Variants in PHACTR1 observed in about 807,000 individuals in gnomAD.
The protein encoded by PHACTR1 is RPEL repeat containing 1.
In PHACTR1, 16 loss-of-function variants were observed where a neutral mutation model predicts 69.2. The observed-to-expected ratio is 0.23, with a 90% CI of 0.16 to 0.35. The LOEUF (loss-of-function observed/expected upper bound fraction) is 0.35, where lower values mean the gene tolerates loss of function less well. PHACTR1 is among the 10% of genes least tolerant of loss of function. PHACTR1 has a pLI of 1.00. For missense variants in PHACTR1, 510 were observed against 734.7 expected (o/e 0.69, Z 3.54); for synonymous variants, 312 against 284.5 (o/e 1.10, Z -0.97).
chr6:13,105,960 T>C (rs1816059005), intron 5 of PHACTR1, among the ~76,000 whole-genome samples: 1 of 152,220 alleles, frequency 6.6e-6, no homozygotes, highest in Non-Finnish European at 1.5e-5. Context: ...CATTGATTAG[T>C]GATTGGCTAT....
intron 4 of PHACTR1, among the ~76,000 whole-genome samples, chr6:12,902,058 A>G (rs6911226): frequency 0.56 from 85,115 of 151,840 alleles, 25,835 homozygotes; most frequent in East Asian, 0.96. Flanking sequence ...TAAGCCCCCT[A>G]CATGCACAGG....
At chr6:13,223,847 C>T (rs12205710) in intron 8 of PHACTR1, among the ~76,000 whole-genome samples, 5,149 of 152,246 alleles carry the variant, frequency 0.034, 121 homozygotes, top group Non-Finnish European at 0.056. Context: ...TCTATTCACT[C>T]TCCCTTCTTT....
chr6:13,166,114 C>G (rs1759769465), intron 6 of PHACTR1, among the ~76,000 whole-genome samples: 1 of 152,230 alleles, frequency 6.6e-6, no homozygotes, highest in African/African-American at 2.4e-5. Flanking sequence ...GCTGCGCCTT[C>G]TTCCAGAAGC....
At chr6:12,966,367 G>T (rs901382373) in intron 4 of PHACTR1, among the ~76,000 whole-genome samples, 5 of 152,188 alleles carry the variant, frequency 3.3e-5, no homozygotes, top group African/African-American at 4.8e-5. Context: ...GGACAGTGAG[G>T]CTCAAAGAAG....
chr6:12,798,285 C>T (rs1047737187), intron 4 of PHACTR1, among the ~76,000 whole-genome samples: 1 of 152,134 alleles, frequency 6.6e-6, no homozygotes, highest in Non-Finnish European at 1.5e-5. Flanking sequence ...TGTTTAATTA[C>T]ATGAGCACAG....
At chr6:12,736,938 C>T (rs192183665) in intron 3 of PHACTR1, among the ~76,000 whole-genome samples, 43 of 151,986 alleles carry the variant, frequency 2.8e-4, no homozygotes, top group East Asian at 1.2e-3. Context: ...TGTGTACATA[C>T]GCACATAAAA....
intron 4 of PHACTR1, among the ~76,000 whole-genome samples, chr6:12,811,472 C>T (rs973010366): frequency 4.6e-5 from 7 of 152,142 alleles, no homozygotes; most frequent in Non-Finnish European, 8.8e-5. Context: ...TATCTTGACA[C>T]GGTAGTGGTT....
At chr6:12,936,568 A>T (rs1274713911) in intron 4 of PHACTR1, among the ~76,000 whole-genome samples, 2 of 152,232 alleles carry the variant, frequency 1.3e-5, no homozygotes, top group Non-Finnish European at 2.9e-5. Context: ...TTACACTCAC[A>T]TGAGGATTGA....
At chr6:12,907,029 T>C (rs1427577748) in intron 4 of PHACTR1, among the ~76,000 whole-genome samples, 2 of 152,210 alleles carry the variant, frequency 1.3e-5, no homozygotes, top group East Asian at 3.8e-4. Context: ...AAGGTTTCTC[T>C]ATTTCCTCCT....
chr6:12,791,006 C>T (rs1772200893), intron 4 of PHACTR1, among the ~76,000 whole-genome samples: 1 of 152,204 alleles, frequency 6.6e-6, no homozygotes. Flanking sequence ...ACACGATAGA[C>T]ATCCTATTCA....
intron 5 of PHACTR1, among the ~76,000 whole-genome samples, chr6:13,098,926 C>A (rs559911678): frequency 6.6e-6 from 1 of 152,354 alleles, no homozygotes; most frequent in South Asian, 2.1e-4. Context: ...AGTCTCTGCC[C>A]TGTAGCCATG....
At chr6:12,875,379 C>T (rs879243653) in intron 4 of PHACTR1, among the ~76,000 whole-genome samples, 6 of 152,246 alleles carry the variant, frequency 3.9e-5, no homozygotes, top group Admixed American at 3.3e-4. Flanking sequence ...CTCGTCACCT[C>T]GATATTTGCG....
At chr6:13,235,863 C>T (rs1442281794) in intron 10 of PHACTR1, among the ~76,000 whole-genome samples, 1 of 152,202 alleles carries the variant, frequency 6.6e-6, no homozygotes, top group Non-Finnish European at 1.5e-5. Flanking sequence ...CTGAGGTCCT[C>T]TGTCCCCACC....
At chr6:12,986,144 T>C (rs1411734054) in intron 4 of PHACTR1, among the ~76,000 whole-genome samples, 1 of 152,160 alleles carries the variant, frequency 6.6e-6, no homozygotes, top group African/African-American at 2.4e-5. Flanking sequence ...GCTAAAAACA[T>C]GCTAAATTAA....
chr6:12,970,915 A>G (rs530584541), intron 4 of PHACTR1, among the ~76,000 whole-genome samples: 2 of 152,360 alleles, frequency 1.3e-5, no homozygotes, highest in South Asian at 2.1e-4. Context: ...TGCCGTGGGT[A>G]GCTCATGTGC....
chr6:13,268,266 CAA>C, intron 10 of PHACTR1, among the ~76,000 whole-genome samples: 1 of 151,994 alleles, frequency 6.6e-6, no homozygotes, highest in South Asian at 2.1e-4. Flanking sequence ...GACTCTGTCT[CAA>C]AAAAGAGAAA....
In PHACTR1 at chr6:12,865,331, G is replaced by A. The variant is rs1781345122; in HGVS notation, c.250+115541G>A. On this transcript the variant is annotated intron_variant, in intron 4 of 14. Transcript: ENST00000332995. ...ATGCCTTGACAATGATGGTATCATGGGAGCAGAAAAATATCCTTCAATACT... is the reference window on the plus strand; with the variant it reads ...ATGCCTTGACAATGATGGTATCATGAGAGCAGAAAAATATCCTTCAATACT... Among the ~76,000 whole-genome samples the A allele has an allele frequency of 2.0e-5, 3 of 152,128 alleles. No individual in the cohort carries two copies. In the South Asian group the frequency reaches 6.2e-4, roughly 32 times the overall value.
chr6:13,115,157 G>A (rs1817626619), intron 5 of PHACTR1, among the ~76,000 whole-genome samples: 1 of 152,136 alleles, frequency 6.6e-6, no homozygotes, highest in Non-Finnish European at 1.5e-5. Context: ...CCTAACGTAG[G>A]TTTGTTTCTC....
chr6:13,021,136 C>G (rs1800917234), intron 4 of PHACTR1, among the ~76,000 whole-genome samples: 1 of 152,220 alleles, frequency 6.6e-6, no homozygotes, highest in Admixed American at 6.5e-5. Context: ...AAAAGCAACT[C>G]TGTTCCCCTT....
Sources: gnomAD v4.1 joint callset for allele counts (sites outside exome capture counted in the v4.1 genomes callset) on GRCh38, gnomAD v4.1.1 for gene constraint, MANE v1.5 for transcripts, NCBI Gene and HGNC (gene_info 2026-07-23, HGNC 2026-07-21) for gene names.